The following CAP1 variants were observed in gnomAD, a reference collection of about 807,000 sequenced individuals.
CAP1 encodes the protein cyclase associated actin cytoskeleton regulatory protein 1.
CAP1 carries 11 observed loss-of-function variants against 58.2 expected under a neutral mutation model. That is an observed-to-expected ratio of 0.19 (90% CI 0.12 to 0.31). CAP1 has a LOEUF of 0.31. Ranked by LOEUF, CAP1 falls within the 10% of genes least tolerant of loss-of-function variation. CAP1 has a pLI of 1.00. For synonymous variants in CAP1, 183 were observed against 213.8 expected, an observed-to-expected ratio of 0.86 and a Z score of 1.26; for missense variants, 423 against 587.5, an observed-to-expected ratio of 0.72 and a Z score of 2.89.
chr1:40,070,038 C>T, intron 9 of CAP1, 121 bp from the exon 10 acceptor site: 3 of 1,478,060 alleles, frequency 2.0e-6, no homozygotes, highest in Non-Finnish European at 2.8e-6. Flanking sequence ...TTAAATGGAG[C>T]TTAGCTAGAT....
intron 3 of CAP1, 151 bp downstream of exon 3, chr1:40,060,321 G>C (rs4660379): frequency 0.11 from 58,903 of 543,370 alleles, 3,873 homozygotes; most frequent in South Asian, 0.2. Context: ...CTGTACTGAG[G>C]AGTTCAGTCT....
At chr1:40,047,194 CA>C (rs1180900897) in intron 1 of CAP1, among the ~76,000 whole-genome samples, 1 of 137,658 alleles carries the variant, frequency 7.3e-6, no homozygotes, top group African/African-American at 3.0e-5. Context: ...ATCCATTGAC[CA>C]AAATGTCATT....
chr1:40,050,334 C>A (rs2124225411), intron 1 of CAP1, among the ~76,000 whole-genome samples: 1 of 17,728 alleles, frequency 5.6e-5, no homozygotes, highest in African/African-American at 2.2e-4. Context: ...TGATTATTTA[C>A]AGGTTAATTG....
At chr1:40,061,464 G>A (rs1279429103) in intron 3 of CAP1, among the ~76,000 whole-genome samples, 1 of 152,190 alleles carries the variant, frequency 6.6e-6, no homozygotes, top group Non-Finnish European at 1.5e-5. Context: ...CACAATGCAT[G>A]TGTAAGATGC....
At position 40,072,252 on chromosome 1, in the gene CAP1, GA is replaced by G. The variant is rs61352266; in HGVS notation, c.*738del. The G allele has an allele frequency of 0.028, 4,371 of 156,004 alleles. No individual in the cohort carries two copies. Among genetic ancestry groups the G allele is most frequent in the Middle Eastern group, 0.044 (29 of 662 alleles). The allele number at this position is 156,004 out of a possible 1,614,324, so 9.7% of individuals were successfully genotyped here. A position where few individuals can be genotyped will look rare whatever the true frequency, so the allele number is the denominator to read the frequency against. ...CTTCCTATAGAGATGACTTTAAAAG[GA>G]AAAAAAAAAAAAAAAAAACCCACAT... On this transcript the variant is annotated 3_prime_UTR_variant, in exon 13 of 13. Transcript: ENST00000372805.
intron 1 of CAP1, among the ~76,000 whole-genome samples, chr1:40,047,720 GA>G (rs1414018013): frequency 2.6e-5 from 4 of 152,194 alleles, no homozygotes; most frequent in Non-Finnish European, 5.9e-5. Context: ...AATATTCTTT[GA>G]ACGTAGGAGA....
intron 1 of CAP1, among the ~76,000 whole-genome samples, chr1:40,046,443 A>G (rs1646106609): frequency 6.6e-6 from 1 of 150,730 alleles, no homozygotes; most frequent in African/African-American, 2.4e-5. Flanking sequence ...AGCTTGGGTG[A>G]CAGAGCAAGA....
At chr1:40,046,849 T>A (rs963963026) in intron 1 of CAP1, among the ~76,000 whole-genome samples, 3 of 151,732 alleles carry the variant, frequency 2.0e-5, no homozygotes, top group African/African-American at 4.8e-5. Context: ...CTTGGCTCAC[T>A]GCAACCCCCG....
chr1:40,059,512 A>T (rs1646757757), intron 2 of CAP1, 54 bp downstream of exon 2: 1 of 1,073,144 alleles, frequency 9.3e-7, no homozygotes, highest in Admixed American at 1.9e-5. Context: ...TGGCCTGAAA[A>T]TTTTCTATTA....
chr1:40,064,111 C>G (rs1646973590), intron 4 of CAP1, 116 bp from the exon 5 acceptor site: 2 of 889,936 alleles, frequency 2.2e-6, no homozygotes, highest in Admixed American at 4.3e-5. Flanking sequence ...AGGACTCATG[C>G]AGTTTATTTG....
At position 40,064,494 on chromosome 1, in the gene CAP1, T is replaced by C. The variant is rs771769589; in HGVS notation, c.459T>C (p.Tyr153=). ...TCTAGGCTCCCAAGCCTGGCCCTTA[T>C]GTGAAAGAAATGAATGATGCCGCCA... ...WVAMAPKPGP[Y]VKEMNDAAMF... The change falls in exon 6 of 13, where the codon TAT becomes TAC. Residue 153 remains tyrosine (Y), a synonymous_variant. Transcript: ENST00000372805. 114 of 1,613,916 alleles carry C rather than the reference T, an allele frequency of 7.1e-5. 1 individual carries two copies. In the East Asian group the frequency reaches 2.4e-3, roughly 34 times the overall value.
chr1:40,070,093 A>T, intron 9 of CAP1, 66 bp from the exon 10 acceptor site: 2 of 1,604,962 alleles, frequency 1.2e-6, no homozygotes, highest in South Asian at 2.2e-5. Flanking sequence ...AAAGTTTGGG[A>T]TAGCCTGGTT....
At chr1:40,064,848 C>A (rs1647006723) in intron 6 of CAP1, among the ~76,000 whole-genome samples, 1 of 152,204 alleles carries the variant, frequency 6.6e-6, no homozygotes, top group African/African-American at 2.4e-5. Context: ...AGGTGTGAGC[C>A]ACTGTGCCCA....
intron 1 of CAP1, among the ~76,000 whole-genome samples, chr1:40,058,425 C>G (rs1462049291): frequency 6.6e-6 from 1 of 152,114 alleles, no homozygotes; most frequent in East Asian, 1.9e-4. Context: ...CCCCATTAGA[C>G]TATAAATTAC....
At position 40,064,184 on chromosome 1, in the gene CAP1, T is replaced by A. The variant is rs199820996; in HGVS notation, c.295-43T>A. 2.1e-5 allele frequency: 34 copies of A among 1,602,930 alleles called. 1 individual carries two copies. The highest frequency in any genetic ancestry group is 2.9e-5 in the Non-Finnish European group (34 of 1,171,266). On this transcript the variant is annotated intron_variant, in intron 4 of 12. Coordinates refer to ENST00000372805, the MANE Select transcript of CAP1 (RefSeq NM_006367.4). ...GGATCAGAAGGCATAGACACCTTTGTGGAAAGATGTTAACCTGAATCTTTT... is the reference window on the plus strand; with the variant it reads ...GGATCAGAAGGCATAGACACCTTTGAGGAAAGATGTTAACCTGAATCTTTT...
Position 40,059,356 on chromosome 1 carries a change from A to G in CAP1, c.10A>G (p.Met4Val), listed in dbSNP as rs1296714558. Residue 4 changes from methionine (M) to valine (V), a missense_variant, in exon 2 of 13, where the codon ATG becomes GTG. Transcript: ENST00000372805. MADMQNLVERLERA... is the reference protein window; with the variant it reads MADVQNLVERLERA... Reference sequence around the variant, plus strand: ...CAGCAGGTGGTCCATTATGGCTGACATGCAAAATCTGGTAGAAAGATTGGA... The same window carrying G: ...CAGCAGGTGGTCCATTATGGCTGACGTGCAAAATCTGGTAGAAAGATTGGA... 5.6e-6 allele frequency: 9 copies of G among 1,609,456 alleles called. No individual in the cohort carries two copies. Among genetic ancestry groups the G allele is most frequent in the Admixed American group, 1.7e-5 (1 of 59,978 alleles).
At chr1:40,060,391 C>T (rs1283616514) in intron 3 of CAP1, among the ~76,000 whole-genome samples, 1 of 152,076 alleles carries the variant, frequency 6.6e-6, no homozygotes, top group Non-Finnish European at 1.5e-5. Flanking sequence ...CGTATTTATA[C>T]AGAAAGCTTG....
intron 1 of CAP1, among the ~76,000 whole-genome samples, chr1:40,053,803 A>G (rs1646489847): frequency 6.6e-6 from 1 of 152,204 alleles, no homozygotes; most frequent in Non-Finnish European, 1.5e-5. Context: ...TTCTAAAAAT[A>G]GGGATCAATG....
At chr1:40,051,279 A>G (rs1048060532) in intron 1 of CAP1, among the ~76,000 whole-genome samples, 2 of 152,312 alleles carry the variant, frequency 1.3e-5, no homozygotes, top group Admixed American at 6.5e-5. Context: ...GCTGGCTGTC[A>G]TGGTTCACAT....
Sources: gnomAD v4.1 joint callset for allele counts (sites outside exome capture counted in the v4.1 genomes callset) on GRCh38, gnomAD v4.1.1 for gene constraint, MANE v1.5 for transcripts, NCBI Gene and HGNC (gene_info 2026-07-23, HGNC 2026-07-21) for gene names.